Variants in SNRPB2 observed in about 807,000 individuals in gnomAD.
The protein encoded by SNRPB2 is U2 small nuclear ribonucleoprotein B''.
In SNRPB2, 16 loss-of-function variants were observed where a neutral mutation model predicts 26.3. That is an observed-to-expected ratio of 0.61 (90% confidence interval 0.41 to 0.92). The LOEUF (loss-of-function observed/expected upper bound fraction) is 0.92. SNRPB2 is among the 40% of genes least tolerant of loss of function. The pLI is 0.00. For synonymous variants in SNRPB2, 75 were observed against 89.0 expected (o/e 0.84, Z 0.88); for missense variants, 179 against 268.1 (o/e 0.67, Z 2.32).
intron 4 of SNRPB2, among the ~76,000 whole-genome samples, chr20:16,738,634 A>G (rs1029468594): frequency 2.0e-5 from 3 of 152,102 alleles, no homozygotes; most frequent in African/African-American, 7.2e-5. Context: ...TATACTATTT[A>G]AAGTTTAGGG....
At chr20:16,733,178 T>C (rs2072404134) in intron 3 of SNRPB2, among the ~76,000 whole-genome samples, 1 of 152,250 alleles carries the variant, frequency 6.6e-6, no homozygotes. Context: ...TGCCCGTGGT[T>C]AGTTTTACCA....
At position 16,732,117 on chromosome 20, in the gene SNRPB2, G is replaced by A. The variant is rs2072396006; in HGVS notation, c.65-47G>A. On this transcript the variant is annotated intron_variant, in intron 2 of 6. Coordinates refer to ENST00000246071, the MANE Select transcript of SNRPB2 (RefSeq NM_003092.5). ...GCAGTATCATTTTATGAAGACTTTTGTCATTACTTTATTACCAATAACTTG... is the reference window on the plus strand; with the variant it reads ...GCAGTATCATTTTATGAAGACTTTTATCATTACTTTATTACCAATAACTTG... 2.5e-6 allele frequency: 3 copies of A among 1,181,764 alleles called. No homozygotes were observed. In the Admixed American group the frequency reaches 7.1e-5, roughly 28 times the overall value. 73.2% of individuals were successfully genotyped at this position (1,181,764 alleles called of 1,614,324 possible). A position where few individuals can be genotyped will look rare whatever the true frequency, so the allele number is the denominator to read the frequency against.
chr20:16,740,438 G>A (rs759105351), intron 6 of SNRPB2, 25 bp downstream of exon 6: 1 of 1,607,616 alleles, frequency 6.2e-7, no homozygotes, highest in South Asian at 1.1e-5. Flanking sequence ...AAATAAGTCT[G>A]TTTCTGAGAG....
chr20:16,731,000 C>T (rs1278836364), intron 1 of SNRPB2: 1 of 152,276 alleles, frequency 6.6e-6, no homozygotes, highest in Non-Finnish European at 1.5e-5. Context: ...TGGGTAGGTT[C>T]TGTTACCATT....
chr20:16,732,447 GTGTGTT>G (rs1481659650), intron 3 of SNRPB2, 111 bp downstream of exon 3: 1 of 630,698 alleles, frequency 1.6e-6, no homozygotes, highest in East Asian at 2.9e-5. Context: ...TTTTAATTAT[GTGTGTT>G]TGGGTTTATG....
Position 16,741,656 on chromosome 20 carries a change from G to C in SNRPB2, c.*651G>C, listed in dbSNP as rs1460082732. ...GCTGTTTCCTTCATGAGGCAGGACT[G>C]TTCTAAGGTTAATATGCAATCTCTT... is the stretch of plus-strand genomic sequence containing the variant. On this transcript the variant is annotated 3_prime_UTR_variant, in exon 7 of 7. Transcript: ENST00000246071. 1 of 152,196 alleles carries C rather than the reference G, an allele frequency of 6.6e-6. No individual in the cohort carries two copies. Among genetic ancestry groups the C allele is most frequent in the African/African-American group, 2.4e-5 (1 of 41,454 alleles). 9.4% of individuals were successfully genotyped at this position (152,196 alleles called of 1,614,324 possible).
Position 16,731,668 on chromosome 20 carries a change from A to AT in SNRPB2, c.-29dup. 4 of 1,609,138 alleles carry AT rather than the reference A, an allele frequency of 2.5e-6. No homozygotes were observed. The highest frequency in any genetic ancestry group is 1.3e-5 in the African/African-American group (1 of 74,804). ...ATTTACTCCTTCCTTTTTATAACAG[A>AT]TTTTTTACTGTCTCCTGAAGAATTT... On this transcript the variant is annotated splice_region_variant and 5_prime_UTR_variant, in exon 2 of 7. Transcript: ENST00000246071.
At position 16,737,852 on chromosome 20, in the gene SNRPB2, C is replaced by T. The variant is rs143692314; in HGVS notation, c.378+451C>T. ...GAGATCGAGACCATCCTGGCTAACA[C>T]GGTGAAACCCCGTCTCTACTAAAAA... is the stretch of plus-strand genomic sequence containing the variant. On this transcript the variant is annotated intron_variant, in intron 4 of 6. Transcript: ENST00000246071. Among the ~76,000 whole-genome samples, 220 of 151,608 alleles carry T rather than the reference C, an allele frequency of 1.5e-3. 1 individual carries two copies. Among genetic ancestry groups the T allele is most frequent in the Non-Finnish European group, 2.5e-3 (167 of 67,888 alleles).
At chr20:16,731,898 T>C (rs1199961426) in intron 2 of SNRPB2, 132 bp downstream of exon 2, 1 of 1,428,038 alleles carries the variant, frequency 7.0e-7, no homozygotes, top group Non-Finnish European at 9.4e-7. Context: ...CCATTTCCTA[T>C]AGGGATTTGA....
At chr20:16,735,997 TTTG>T (rs778781205) in intron 3 of SNRPB2, among the ~76,000 whole-genome samples, 5 of 152,214 alleles carry the variant, frequency 3.3e-5, no homozygotes, top group East Asian at 1.9e-4. Context: ...CCAATGCATT[TTTG>T]TTGTTGTTGT....
chr20:16,734,206 G>C (rs1399769458), intron 3 of SNRPB2, among the ~76,000 whole-genome samples: 1 of 152,146 alleles, frequency 6.6e-6, no homozygotes, highest in Non-Finnish European at 1.5e-5. Context: ...AAGTGTATTA[G>C]ATTGATTATT....
At position 16,737,742 on chromosome 20, in the gene SNRPB2, A is replaced by G. The variant is rs374277993; in HGVS notation, c.378+341A>G. Among the ~76,000 whole-genome samples, 127 of 152,294 alleles carry G rather than the reference A, an allele frequency of 8.3e-4. 5 individuals are homozygous for G. In the South Asian group the frequency reaches 0.025, roughly 30 times the overall value. On this transcript the variant is annotated intron_variant, in intron 4 of 6. Transcript: ENST00000246071. ...ATCTTTAATCATGAGTACTTCACTC[A>G]AAGTATCTTTCTGGCTGGGCGCAGT...
chr20:16,730,547 C>G (rs996572004), intron 1 of SNRPB2: 13 of 152,170 alleles, frequency 8.5e-5, no homozygotes, highest in Admixed American at 5.2e-4. Flanking sequence ...TCCCTTTCGT[C>G]GTCTCCTTTG....
chr20:16,739,041 A>T (rs2072446570), intron 5 of SNRPB2, 139 bp downstream of exon 5: 1 of 633,740 alleles, frequency 1.6e-6, no homozygotes, highest in Non-Finnish European at 2.8e-6. Flanking sequence ...CTGCCACTGC[A>T]ATGTAAGAAC....
chr20:16,740,233 G>A (rs1179345837), intron 5 of SNRPB2, 92 bp from the exon 6 acceptor site: 66 of 1,554,762 alleles, frequency 4.2e-5, no homozygotes, highest in Non-Finnish European at 5.5e-5. Context: ...TTGTTTTTCA[G>A]CTTTATTGTT....
intron 5 of SNRPB2, among the ~76,000 whole-genome samples, chr20:16,739,995 G>A (rs1304358010): frequency 2.0e-5 from 3 of 151,202 alleles, no homozygotes; most frequent in Admixed American, 6.6e-5. Flanking sequence ...AACCAGCTAC[G>A]GAGGGGTGAC....
rs1236387063 is a variant in SNRPB2, at chr20:16,741,208, T to G, written c.*203T>G. 4 of 455,836 alleles carry G rather than the reference T, an allele frequency of 8.8e-6. No individual in the cohort carries two copies. The highest frequency in any genetic ancestry group is 8.2e-5 in the South Asian group (2 of 24,446). The allele number at this position is 455,836 out of a possible 1,614,324, so 28.2% of individuals were successfully genotyped here. A position where few individuals can be genotyped will look rare whatever the true frequency, so the allele number is the denominator to read the frequency against. ...TAATTTTGTACAATAAACTTTTATT[T>G]GTATTCTGTGTATATAATGCTTTCT... On this transcript the variant is annotated 3_prime_UTR_variant, in exon 7 of 7. Transcript: ENST00000246071.
At chr20:16,738,113 A>G (rs1490634236) in intron 4 of SNRPB2, among the ~76,000 whole-genome samples, 1 of 151,930 alleles carries the variant, frequency 6.6e-6, no homozygotes, top group African/African-American at 2.4e-5. Flanking sequence ...CAATTCAGTA[A>G]TGCAAAATAT....
chr20:16,738,077 CA>C (rs959218033), intron 4 of SNRPB2, among the ~76,000 whole-genome samples: 1 of 142,168 alleles, frequency 7.0e-6, no homozygotes, highest in African/African-American at 2.6e-5. Context: ...AAAAAACAAA[CA>C]AAAAAAACAG....
Sources: gnomAD v4.1 joint callset for allele counts (sites outside exome capture counted in the v4.1 genomes callset) on GRCh38, gnomAD v4.1.1 for gene constraint, MANE v1.5 for transcripts, NCBI Gene and HGNC (gene_info 2026-07-23, HGNC 2026-07-21) for gene names.